DSCC1: variants seen among roughly 807,000 people sequenced by gnomAD.
DSCC1 encodes DNA replication and sister chromatid cohesion 1, also known as sister chromatid cohesion protein DCC1.
A neutral mutation model predicts 48.2 loss-of-function variants in DSCC1; 32 were observed. The ratio of observed to expected loss-of-function variants is 0.66; its 90% CI spans 0.50 to 0.89. The LOEUF is 0.89. DSCC1 is among the 40% of genes least tolerant of loss of function. DSCC1 has a pLI of 0.00. For synonymous variants in DSCC1, 150 were observed against 171.5 expected (o/e 0.87, Z 0.98); for missense variants, 421 against 471.7 (o/e 0.89, Z 1.00).
At chr8:119,847,207 T>C (rs1379555868) in intron 3 of DSCC1, 127 bp from the exon 4 acceptor site, 1 of 713,276 alleles carries the variant, frequency 1.4e-6, no homozygotes, top group East Asian at 2.8e-5. Flanking sequence ...TCAGTTTCTT[T>C]TGTTAACATG....
Position 119,853,137 on chromosome 8 carries a change from G to GTCTGCTATCT in DSCC1, c.251_260dup (p.Asp87GlufsTer16). The GTCTGCTATCT allele has an allele frequency of 1.9e-6, 3 of 1,614,106 alleles. No individual in the cohort carries two copies. The highest frequency in any genetic ancestry group is 2.5e-6 in the Non-Finnish European group (3 of 1,179,990). Reference sequence around the variant, plus strand: ...GAATGAAAAGCAACATATTGGAAGTGTCTGCTATCTTCAAGTCGTATGTTT... The same window carrying GTCTGCTATCT: ...GAATGAAAAGCAACATATTGGAAGTGTCTGCTATCTTCTGCTATCTTCAAGTCGTATGTTT... On this transcript the variant is annotated frameshift_variant, in exon 2 of 9. Transcript: ENST00000313655. LOFTEE classifies it high-confidence loss of function.
intron 7 of DSCC1, among the ~76,000 whole-genome samples, chr8:119,840,837 A>C (rs371008457): frequency 6.6e-6 from 1 of 151,590 alleles, no homozygotes; most frequent in Non-Finnish European, 1.5e-5. Context: ...CCTTGAACCC[A>C]GGAGGCGGGG....
chr8:119,854,059 TA>T (rs1296828634), intron 1 of DSCC1, among the ~76,000 whole-genome samples: 11 of 151,934 alleles, frequency 7.2e-5, no homozygotes, highest in Non-Finnish European at 1.3e-4. Context: ...AAGAAAAATT[TA>T]AAAGTTAGCT....
intron 7 of DSCC1, chr8:119,838,688 G>T: frequency 3.9e-6 from 1 of 258,992 alleles, no homozygotes. Context: ...CAAATCCAGT[G>T]GGCCCTTTTC....
intron 1 of DSCC1, among the ~76,000 whole-genome samples, chr8:119,854,201 AGAGT>A (rs1826983723): frequency 6.6e-6 from 1 of 152,182 alleles, no homozygotes; most frequent in Non-Finnish European, 1.5e-5. Context: ...CCTGGCTGAC[AGAGT>A]GAGACCCTGT....
intron 5 of DSCC1, 89 bp downstream of exon 5, chr8:119,843,520 T>C: frequency 6.9e-7 from 1 of 1,446,092 alleles, no homozygotes; most frequent in Non-Finnish European, 9.3e-7. Context: ...ACAATGATTG[T>C]AGTTTATGCC....
chr8:119,841,471 T>A (rs1485137236), intron 7 of DSCC1, among the ~76,000 whole-genome samples: 1 of 151,996 alleles, frequency 6.6e-6, no homozygotes, highest in Non-Finnish European at 1.5e-5. Context: ...CAAAATGAGA[T>A]ACACTGAGTA....
At chr8:119,855,357 G>A (rs1827001183) in intron 1 of DSCC1, among the ~76,000 whole-genome samples, 1 of 152,188 alleles carries the variant, frequency 6.6e-6, no homozygotes, top group Non-Finnish European at 1.5e-5. Flanking sequence ...ACTTCACGGA[G>A]GTTGTATTAG....
Position 119,838,992 on chromosome 8 carries a change from C to T in DSCC1, c.925-585G>A, listed in dbSNP as rs150028072. ...CAAGTGATCCACCCACCTCAACTTC[C>T]CAAAGTGCTGAGATTACAGGTGTGA... On this transcript the variant is annotated intron_variant, in intron 7 of 8. Coordinates refer to ENST00000313655, the MANE Select transcript of DSCC1 (RefSeq NM_024094.3). The T allele has an allele frequency of 9.3e-3, 1,422 of 152,542 alleles. 7 individuals are homozygous for T. The highest frequency in any genetic ancestry group is 0.015 in the Non-Finnish European group (1,015 of 68,208). The allele number at this position is 152,542 out of a possible 1,614,324, so 9.4% of individuals were successfully genotyped here.
intron 8 of DSCC1, among the ~76,000 whole-genome samples, chr8:119,837,589 G>T (rs1372283276): frequency 6.6e-6 from 1 of 152,214 alleles, no homozygotes; most frequent in East Asian, 1.9e-4. Flanking sequence ...AGCAAGACTG[G>T]CAGCTTCATT....
chr8:119,846,946 A>C lies in DSCC1; in HGVS notation c.577+44T>G, dbSNP rs371273509. The C allele has an allele frequency of 3.8e-5, 60 of 1,568,944 alleles. 1 individual carries two copies. The Middle Eastern group carries it at 1.5e-3, about 40-fold the overall frequency. On this transcript the variant is annotated intron_variant, in intron 4 of 8. Transcript: ENST00000313655. ...TGTCCAAAAACTTCTCTCCCTTATG[A>C]TGCCCAATTTCATCATTGTTAAAAT...
chr8:119,846,318 T>C (rs554028657), intron 4 of DSCC1, among the ~76,000 whole-genome samples: 25 of 152,232 alleles, frequency 1.6e-4, no homozygotes, highest in African/African-American at 5.8e-4. Flanking sequence ...TTCACCATGT[T>C]GGCCAGGCTG....
At chr8:119,844,885 T>C (rs940517990) in intron 4 of DSCC1, among the ~76,000 whole-genome samples, 7 of 152,170 alleles carry the variant, frequency 4.6e-5, no homozygotes, top group Non-Finnish European at 7.3e-5. Context: ...ACCATAGTTA[T>C]AACTCTCATC....
chr8:119,844,236 G>A (rs1018264960), intron 4 of DSCC1, among the ~76,000 whole-genome samples: 1 of 151,854 alleles, frequency 6.6e-6, no homozygotes, highest in Non-Finnish European at 1.5e-5. Context: ...CCAGGAGTTC[G>A]AGACCAGCCT....
chr8:119,854,070 T>C (rs1826979872), intron 1 of DSCC1, among the ~76,000 whole-genome samples: 1 of 152,114 alleles, frequency 6.6e-6, no homozygotes, highest in African/African-American at 2.4e-5. Flanking sequence ...AAAAGTTAGC[T>C]GGGTGTGATG....
rs1415514949 is a variant in DSCC1, at chr8:119,834,820, G to A, written c.*73C>T. 7.8e-6 allele frequency: 8 copies of A among 1,019,754 alleles called. No homozygotes were observed. Among genetic ancestry groups the A allele is most frequent in the Non-Finnish European group, 1.2e-5 (8 of 663,294 alleles). The allele number at this position is 1,019,754 out of a possible 1,614,324, so 63.2% of individuals were successfully genotyped here. On this transcript the variant is annotated 3_prime_UTR_variant, in exon 9 of 9. Transcript: ENST00000313655. ...AGGTTTCTAAAAGTCAGAAATAAAA[G>A]TACAAGTTATTTTTCTTCTATCCAG...
rs1197372103 is a variant in DSCC1 at position 119,841,895 on chromosome 8, T to C, written c.823A>G (p.Met275Val). The C allele has an allele frequency of 3.1e-6, 5 of 1,614,164 alleles. No individual in the cohort carries two copies. Among genetic ancestry groups the C allele is most frequent in the Non-Finnish European group, 2.5e-6 (3 of 1,180,028 alleles). The stretch of plus-strand genomic sequence containing the variant: ...AATTTCACCGCATTCTGAAGTAGCA[T>C]TCGTGCTGCTGCTCTACATATTTTA... ...ADKICRAAAR[M>V]LLQNAVKFNL... Residue 275 changes from methionine (M) to valine (V), a missense_variant, in exon 7 of 9, where the codon ATG becomes GTG. Physicochemically the swap from Met to Val is conservative, Grantham distance 21 (BLOSUM62 1). Transcript: ENST00000313655.
chr8:119,843,640 A>C lies in DSCC1; in HGVS notation c.685T>G (p.Cys229Gly). ...TCCAATGGTCCGAGTTCCTGAAGGC[A>C]TGTGTTCAAAGGAACTTTACCAAAA... ...WSFGKVPLNT[C>G]LQELGPLEPE... The change falls in exon 5 of 9, where the codon TGC becomes GGC. Residue 229 changes from cysteine (C) to glycine (G), a missense_variant. By Grantham distance (159) the Cys-to-Gly change is radical. Coordinates refer to ENST00000313655, the MANE Select transcript of DSCC1 (RefSeq NM_024094.3). 6.2e-7 allele frequency: 1 copy of C among 1,613,638 alleles called. No individual in the cohort carries two copies. Among genetic ancestry groups the C allele is most frequent in the Admixed American group, 1.7e-5 (1 of 59,900 alleles).
At chr8:119,841,377 C>T (rs1826766475) in intron 7 of DSCC1, among the ~76,000 whole-genome samples, 1 of 151,948 alleles carries the variant, frequency 6.6e-6, no homozygotes, top group African/African-American at 2.4e-5. Flanking sequence ...AGGGGCATGC[C>T]CAGGGATGCT....
Sources: allele counts gnomAD v4.1 joint callset (sites outside exome capture counted in the v4.1 genomes callset), GRCh38; gene constraint gnomAD v4.1.1; transcripts MANE v1.5; gene names NCBI Gene and HGNC (gene_info 2026-07-23, HGNC 2026-07-21).